Variants in C14orf119 observed in about 807,000 individuals in gnomAD.
The protein encoded by C14orf119 is uncharacterized protein C14orf119.
C14orf119 carries 17 observed loss-of-function variants against 13.5 expected under a neutral mutation model. The observed-to-expected ratio is 1.26, with a 90% CI of 0.86 to 1.88. The LOEUF (loss-of-function observed/expected upper bound fraction) is 1.88, where lower values mean the gene tolerates loss of function less well. Ranked by LOEUF, C14orf119 falls within the 40% of genes most tolerant of loss-of-function variation. The probability of loss-of-function intolerance (pLI) is 0.00; values close to 1 mark genes in which losing one functional copy is unlikely to be tolerated. For missense variants in C14orf119, 162 were observed against 165.9 expected, an observed-to-expected ratio of 0.98 and a Z score of 0.13; for synonymous variants, 61 against 61.9, an observed-to-expected ratio of 0.99 and a Z score of 0.07.
rs2048418230 is a variant in C14orf119, at chr14:23,100,074, T to C, written c.*1993T>C. The C allele has an allele frequency of 6.2e-6, 1 of 160,156 alleles. No homozygotes were observed. The highest frequency in any genetic ancestry group is 1.4e-5 in the Non-Finnish European group (1 of 69,036). The allele number at this position is 160,156 out of a possible 1,614,324, so 9.9% of individuals were successfully genotyped here. A position where few individuals can be genotyped will look rare whatever the true frequency, so the allele number is the denominator to read the frequency against. On this transcript the variant is annotated 3_prime_UTR_variant, in exon 2 of 2. Coordinates refer to ENST00000319074, the MANE Select transcript of C14orf119 (RefSeq NM_017924.4). ...GAGTTGGAGACAAGCCTGGGCAACA[T>C]GGTGAAACTGTCTCTATCAAAAATA...
At position 23,099,311 on chromosome 14, in the gene C14orf119, C is replaced by T. The variant is rs1762257197; in HGVS notation, c.*1230C>T. 7.3e-6 allele frequency: 3 copies of T among 413,360 alleles called. No homozygotes were observed. 25.6% of individuals were successfully genotyped at this position (413,360 alleles called of 1,614,324 possible). The stretch of plus-strand genomic sequence containing the variant: ...ACCTCCCTTATTCCTCTAACTGGGA[C>T]CCTTGTGCTGTGGAGCTCTGGTGAA... On this transcript the variant is annotated 3_prime_UTR_variant, in exon 2 of 2. Transcript: ENST00000319074.
At position 23,100,274 on chromosome 14, in the gene C14orf119, G is replaced by A. The variant is rs1404501908; in HGVS notation, c.*2193G>A. The A allele has an allele frequency of 7.9e-6, 3 of 377,650 alleles. No homozygotes were observed. The South Asian group carries it at 4.5e-4, about 56-fold the overall frequency. The allele number at this position is 377,650 out of a possible 1,614,324, so 23.4% of individuals were successfully genotyped here. On this transcript the variant is annotated 3_prime_UTR_variant, in exon 2 of 2. Transcript: ENST00000319074. ...TGTCTCAAAAAAGAAGAAGAAAAAG[G>A]TGGGGGGAGGGGACTAAGATCCCTA...
intron 1 of C14orf119, among the ~76,000 whole-genome samples, chr14:23,096,913 A>G (rs1949872026): frequency 6.6e-6 from 1 of 152,216 alleles, no homozygotes; most frequent in Admixed American, 6.5e-5. Context: ...AATTGTTTAA[A>G]GACATGGATT....
In C14orf119 at chr14:23,095,593, C is replaced by T. The variant is rs2048357547; in HGVS notation, c.-28C>T. 2 of 374,920 alleles carry T rather than the reference C, an allele frequency of 5.3e-6. No homozygotes were observed. Among genetic ancestry groups the T allele is most frequent in the East Asian group, 5.0e-5 (1 of 20,124 alleles). 23.2% of individuals were successfully genotyped at this position (374,920 alleles called of 1,614,324 possible). ...GAGTCTAAGGACTCGTGACAATCTT[C>T]GGGTGCCCTTCGAGAGAAAAGGGGA... is the stretch of plus-strand genomic sequence containing the variant. On this transcript the variant is annotated 5_prime_UTR_variant, in exon 1 of 2. Transcript: ENST00000319074.
rs9972278 is a variant in C14orf119, at chr14:23,099,285, C to T, written c.*1204C>T. On this transcript the variant is annotated 3_prime_UTR_variant, in exon 2 of 2. Coordinates refer to ENST00000319074, the MANE Select transcript of C14orf119 (RefSeq NM_017924.4). ...CCCTGTCATGTTCTGGGCAACATCA[C>T]ACCTCCCTTATTCCTCTAACTGGGA... 25,363 of 413,364 alleles carry T rather than the reference C, an allele frequency of 0.061. 1,445 individuals carry two copies. Among genetic ancestry groups the T allele is most frequent in the African/African-American group, 0.21 (10,044 of 48,648 alleles). The allele number at this position is 413,364 out of a possible 1,614,324, so 25.6% of individuals were successfully genotyped here. A position where few individuals can be genotyped will look rare whatever the true frequency, so the allele number is the denominator to read the frequency against.
rs1433266930 is a variant in C14orf119, at chr14:23,097,838, C to T, written c.180C>T (p.Asp60=). The T allele has an allele frequency of 1.2e-6, 2 of 1,614,198 alleles. No homozygotes were observed. Among genetic ancestry groups the T allele is most frequent in the South Asian group, 2.2e-5 (2 of 91,084 alleles). The change falls in exon 2 of 2, where the codon GAC becomes GAT. Residue 60 remains aspartate, a synonymous_variant. Transcript: ENST00000319074. ...SGPQRERFLE[D]LVAKAVPEKL... is the part of the protein sequence containing the mutation. Reference sequence around the variant, plus strand: ...CCCAGCGTGAACGTTTCCTAGAGGACCTGGTAGCTAAGGCAGTGCCAGAAA... The same window carrying T: ...CCCAGCGTGAACGTTTCCTAGAGGATCTGGTAGCTAAGGCAGTGCCAGAAA...
In C14orf119 at chr14:23,098,151, C is replaced by G; in HGVS notation, c.*70C>G. The stretch of plus-strand genomic sequence containing the variant: ...GACTCTCTACAATGATAACTCAATT[C>G]AAATGTGTCGCCTAAAGCTCTGGAA... On this transcript the variant is annotated 3_prime_UTR_variant, in exon 2 of 2. Transcript: ENST00000319074. 6.6e-7 allele frequency: 1 copy of G among 1,516,624 alleles called. No homozygotes were observed. The highest frequency in any genetic ancestry group is 9.0e-7 in the Non-Finnish European group (1 of 1,112,588). The allele number at this position is 1,516,624 out of a possible 1,614,324, so 93.9% of individuals were successfully genotyped here. A position where few individuals can be genotyped will look rare whatever the true frequency, so the allele number is the denominator to read the frequency against.
rs568030297 is a variant in C14orf119, at chr14:23,099,168, G to A, written c.*1087G>A. ...CCAGGCTATATAATATTGACAACCG[G>A]GGAAAGAGGCATTCCAAAGAAAGTA... On this transcript the variant is annotated 3_prime_UTR_variant, in exon 2 of 2. Transcript: ENST00000319074. 4.9e-6 allele frequency: 2 copies of A among 411,936 alleles called. No homozygotes were observed. Among genetic ancestry groups the A allele is most frequent in the Admixed American group, 4.4e-5 (1 of 22,674 alleles). 25.5% of individuals were successfully genotyped at this position (411,936 alleles called of 1,614,324 possible).
Position 23,099,775 on chromosome 14 carries a change from T to C in C14orf119, c.*1694T>C, listed in dbSNP as rs894882074. 8.3e-6 allele frequency: 2 copies of C among 239,872 alleles called. No homozygotes were observed. Among genetic ancestry groups the C allele is most frequent in the Non-Finnish European group, 1.7e-5 (2 of 116,346 alleles). 14.9% of individuals were successfully genotyped at this position (239,872 alleles called of 1,614,324 possible). On this transcript the variant is annotated 3_prime_UTR_variant, in exon 2 of 2. Coordinates refer to ENST00000319074, the MANE Select transcript of C14orf119 (RefSeq NM_017924.4). The stretch of plus-strand genomic sequence containing the variant: ...ATAGAGCTCATGAAGCCCCGCCTCA[T>C]CCAAGCATTAAGCTAAACAGGAAAT...
chr14:23,097,198 T>G lies in C14orf119; in HGVS notation c.-1-460T>G, dbSNP rs115587495. 5.8e-3 allele frequency among the ~76,000 whole-genome samples: 891 copies of G among 152,326 alleles called. 8 individuals are homozygous for G. Among genetic ancestry groups the G allele is most frequent in the African/African-American group, 0.02 (823 of 41,560 alleles). The stretch of plus-strand genomic sequence containing the variant: ...ATGTTTTTTCTTTCTTCCCCCACTG[T>G]TGATAGCTGCAAAACAATTAGCATC... On this transcript the variant is annotated intron_variant, in intron 1 of 1. Coordinates refer to ENST00000319074, the MANE Select transcript of C14orf119 (RefSeq NM_017924.4).
intron 1 of C14orf119, among the ~76,000 whole-genome samples, chr14:23,097,442 G>A (rs551567794): frequency 1.3e-5 from 2 of 152,204 alleles, no homozygotes; most frequent in African/African-American, 4.8e-5. Flanking sequence ...TTTGAAAAAG[G>A]CAGGCAAATA....
chr14:23,100,403 C>G lies in C14orf119; in HGVS notation c.*2322C>G, dbSNP rs1293014904. 1 of 412,434 alleles carries G rather than the reference C, an allele frequency of 2.4e-6. No individual in the cohort carries two copies. Among genetic ancestry groups the G allele is most frequent in the East Asian group, 3.6e-5 (1 of 28,064 alleles). The allele number at this position is 412,434 out of a possible 1,614,324, so 25.5% of individuals were successfully genotyped here. On this transcript the variant is annotated 3_prime_UTR_variant, in exon 2 of 2. Transcript: ENST00000319074. ...GATCTTTGTTCTCTGAAACGCAACC[C>G]TGTCTAGGACAATATACACGTGAGT...
intron 1 of C14orf119, among the ~76,000 whole-genome samples, chr14:23,097,025 C>T (rs1256629434): frequency 6.6e-6 from 1 of 152,142 alleles, no homozygotes; most frequent in African/African-American, 2.4e-5. Context: ...TTCTTTCATG[C>T]GTTACCTTAT....
Position 23,098,289 on chromosome 14 carries a change from C to G in C14orf119, c.*208C>G. 3.4e-6 allele frequency: 2 copies of G among 581,044 alleles called. No homozygotes were observed. The highest frequency in any genetic ancestry group is 3.1e-5 in the Admixed American group (1 of 32,608). The allele number at this position is 581,044 out of a possible 1,614,324, so 36.0% of individuals were successfully genotyped here. A position where few individuals can be genotyped will look rare whatever the true frequency, so the allele number is the denominator to read the frequency against. Reference sequence around the variant, plus strand: ...TGTAAATGTTATCAATCTAAGCAATCCAGCTCATCAGTCTACTAGTTTGCT... The same window carrying G: ...TGTAAATGTTATCAATCTAAGCAATGCAGCTCATCAGTCTACTAGTTTGCT... On this transcript the variant is annotated 3_prime_UTR_variant, in exon 2 of 2. Transcript: ENST00000319074.
intron 1 of C14orf119, among the ~76,000 whole-genome samples, chr14:23,096,720 G>T (rs905565158): frequency 6.6e-6 from 1 of 151,910 alleles, no homozygotes; most frequent in Admixed American, 6.6e-5. Context: ...AGGACTACAG[G>T]TAGGCACCTC....
In C14orf119 at chr14:23,095,748, C is replaced by G. The variant is rs565528287; in HGVS notation, c.-2+129C>G. On this transcript the variant is annotated intron_variant, in intron 1 of 1. Transcript: ENST00000319074. ...CTCTGTCCTCTGAATCATAGCCACTCCCATCTTAGGCTTTTTTTGGGGAGG... is the reference window on the plus strand; with the variant it reads ...CTCTGTCCTCTGAATCATAGCCACTGCCATCTTAGGCTTTTTTTGGGGAGG... 3.1e-5 allele frequency: 5 copies of G among 160,684 alleles called. No homozygotes were observed. The East Asian group carries it at 9.3e-4, about 30-fold the overall frequency. 10.0% of individuals were successfully genotyped at this position (160,684 alleles called of 1,614,324 possible).
Position 23,099,350 on chromosome 14 carries a change from A to G in C14orf119, c.*1269A>G. On this transcript the variant is annotated 3_prime_UTR_variant, in exon 2 of 2. Coordinates refer to ENST00000319074, the MANE Select transcript of C14orf119 (RefSeq NM_017924.4). ...AGCTCTGGTGAATGGTAAGAGGCAG[A>G]TGGTCTCACAGGAAGAGTGGCTCTT... 1 of 413,460 alleles carries G rather than the reference A, an allele frequency of 2.4e-6. No individual in the cohort carries two copies. Among genetic ancestry groups the G allele is most frequent in the Non-Finnish European group, 4.4e-6 (1 of 226,160 alleles). 25.6% of individuals were successfully genotyped at this position (413,460 alleles called of 1,614,324 possible).
At chr14:23,096,610 A>C (rs1419453406) in intron 1 of C14orf119, among the ~76,000 whole-genome samples, 1 of 145,638 alleles carries the variant, frequency 6.9e-6, no homozygotes, top group African/African-American at 2.6e-5. Context: ...GGGTCCCTCC[A>C]CTCTGACGCA....
In C14orf119 at chr14:23,098,439, C is replaced by T. The variant is rs560374388; in HGVS notation, c.*358C>T. ...CATGAAATGTGTAAAGTAGAACCCT[C>T]CTTCCCGAGAAATAAGACAGGACAA... is the stretch of plus-strand genomic sequence containing the variant. On this transcript the variant is annotated 3_prime_UTR_variant, in exon 2 of 2. Transcript: ENST00000319074. The T allele has an allele frequency of 5.8e-4, 128 of 221,466 alleles. 1 individual carries two copies. Among genetic ancestry groups the T allele is most frequent in the African/African-American group, 2.6e-3 (114 of 44,256 alleles). The allele number at this position is 221,466 out of a possible 1,614,324, so 13.7% of individuals were successfully genotyped here. A position where few individuals can be genotyped will look rare whatever the true frequency, so the allele number is the denominator to read the frequency against.
Sources: allele counts gnomAD v4.1 joint callset (sites outside exome capture counted in the v4.1 genomes callset), GRCh38; gene constraint gnomAD v4.1.1; transcripts MANE v1.5; gene names NCBI Gene and HGNC (gene_info 2026-07-23, HGNC 2026-07-21).